Variants in CRTAC1 observed in about 807,000 individuals in gnomAD.
CRTAC1 encodes the protein cartilage acidic protein 1.
In CRTAC1, 37 loss-of-function variants were observed where a neutral mutation model predicts 67.8. That is an observed-to-expected ratio of 0.55 (90% CI 0.42 to 0.72). The LOEUF is 0.72. Ranked by LOEUF, CRTAC1 falls within the 30% of genes least tolerant of loss-of-function variation. The pLI is 0.00. For missense variants in CRTAC1, 780 were observed against 931.6 expected (o/e 0.84, Z 2.12); for synonymous variants, 348 against 371.0 (o/e 0.94, Z 0.71).
rs77069325 is a variant in CRTAC1 at position 98,025,740 on chromosome 10, C to T, written c.24+4709G>A. ...CCTGGAAGCCTGTATCTGCAGCCTG[C>T]AGGAGGCTCGGTGAGCACGAATTTG... is the stretch of plus-strand genomic sequence containing the variant. On this transcript the variant is annotated intron_variant, in intron 1 of 14. Transcript: ENST00000370597. Among the ~76,000 whole-genome samples the T allele has an allele frequency of 2.8e-4, 42 of 152,366 alleles. No individual in the cohort carries two copies. The East Asian group carries it at 7.7e-3, about 28-fold the overall frequency.
chr10:98,005,581 C>CAT (rs1273346461), intron 2 of CRTAC1, among the ~76,000 whole-genome samples: 2 of 150,866 alleles, frequency 1.3e-5, no homozygotes, highest in African/African-American at 2.4e-5. Flanking sequence ...TGAATGTGTG[C>CAT]ATATATATAT....
At chr10:97,906,276 A>G (rs886756887) in intron 6 of CRTAC1, among the ~76,000 whole-genome samples, 1 of 152,120 alleles carries the variant, frequency 6.6e-6, no homozygotes, top group Admixed American at 6.5e-5. Context: ...TTCTCTGCCA[A>G]ACTCCTCGGC....
At chr10:97,910,820 G>A (rs2136578718) in intron 5 of CRTAC1, among the ~76,000 whole-genome samples, 1 of 152,254 alleles carries the variant, frequency 6.6e-6, no homozygotes, top group South Asian at 2.1e-4. Flanking sequence ...CACTCTTATT[G>A]CGCTCATAGT....
chr10:97,900,536 GACCCCAT>G (rs1270644081), intron 8 of CRTAC1, among the ~76,000 whole-genome samples: 1,430 of 136,556 alleles, frequency 0.01, 57 homozygotes, highest in African/African-American at 0.037. Context: ...GTAGTGATTG[GACCCCAT>G]AGCCTCTTTT....
chr10:97,949,437 G>T (rs1424280215), intron 2 of CRTAC1, among the ~76,000 whole-genome samples: 1 of 152,214 alleles, frequency 6.6e-6, no homozygotes, highest in African/African-American at 2.4e-5. Context: ...GCTGTCTCAG[G>T]GAACCAAGCT....
intron 2 of CRTAC1, among the ~76,000 whole-genome samples, chr10:97,959,784 C>G (rs930612275): frequency 6.6e-6 from 1 of 152,226 alleles, no homozygotes; most frequent in African/African-American, 2.4e-5. Context: ...TTTGCTGGCT[C>G]TAGATCTCTT....
intron 8 of CRTAC1, among the ~76,000 whole-genome samples, chr10:97,897,983 A>G (rs2050484750): frequency 6.6e-6 from 1 of 152,224 alleles, no homozygotes; most frequent in Non-Finnish European, 1.5e-5. Context: ...GGTGGCAGAA[A>G]GAGCTGGCAG....
rs138413487 is a variant in CRTAC1 at position 98,021,662 on chromosome 10, G to T, written c.24+8787C>A. Among the ~76,000 whole-genome samples, 453 of 152,350 alleles carry T rather than the reference G, an allele frequency of 3.0e-3. 4 individuals are homozygous for T. The highest frequency in any genetic ancestry group is 0.01 in the African/African-American group (432 of 41,584). On this transcript the variant is annotated intron_variant, in intron 1 of 14. Transcript: ENST00000370597. ...GAAAGTCCACACGTGGTAGGTAACAGTACCAATAATCACACCATTACTACT... is the reference window on the plus strand; with the variant it reads ...GAAAGTCCACACGTGGTAGGTAACATTACCAATAATCACACCATTACTACT...
chr10:97,976,367 T>C (rs1248968577), intron 2 of CRTAC1, among the ~76,000 whole-genome samples: 2 of 152,160 alleles, frequency 1.3e-5, no homozygotes, highest in Non-Finnish European at 2.9e-5. Context: ...CAGCTCCCCA[T>C]AGGGTAGTAT....
Position 98,011,274 on chromosome 10 carries a change from G to T in CRTAC1, c.88C>A (p.Arg30=), listed in dbSNP as rs375135331. Residue 30 remains arginine (R), a synonymous_variant, in exon 2 of 15, where the codon CGG becomes AGG. Coordinates refer to ENST00000370597, the MANE Select transcript of CRTAC1 (RefSeq NM_018058.7). ...WFLPITEGSQ[R]AEPMFTAVTN... ...ACTGCAGTGAACATGGGTTCAGCCC[G>T]CTGGGACCCCTCAGTGATGGGCAGA... 12 of 1,614,100 alleles carry T rather than the reference G, an allele frequency of 7.4e-6. No homozygotes were observed. The highest frequency in any genetic ancestry group is 1.7e-6 in the Non-Finnish European group (2 of 1,180,052).
Position 97,977,435 on chromosome 10 carries a change from G to A in CRTAC1, c.224+33703C>T, listed in dbSNP as rs1413820631. Among the ~76,000 whole-genome samples, 4 of 152,198 alleles carry A rather than the reference G, an allele frequency of 2.6e-5. No individual in the cohort carries two copies. The South Asian group carries it at 6.2e-4, about 24-fold the overall frequency. ...CAGCTCTGCTCACCCAATGGGGCAG[G>A]ACACTGTGAAAGGTCCCCCAAATCA... On this transcript the variant is annotated intron_variant, in intron 2 of 14. Coordinates refer to ENST00000370597, the MANE Select transcript of CRTAC1 (RefSeq NM_018058.7).
intron 11 of CRTAC1, among the ~76,000 whole-genome samples, chr10:97,890,496 A>G (rs1432578873): frequency 6.6e-6 from 1 of 152,180 alleles, no homozygotes; most frequent in African/African-American, 2.4e-5. Context: ...TTGCCAAGAA[A>G]TATGTGTCTG....
chr10:97,879,860 C>CTG, intron 14 of CRTAC1: 5 of 213,276 alleles, frequency 2.3e-5, no homozygotes, highest in East Asian at 9.0e-5. Context: ...GGGGTGGGGA[C>CTG]GGGGTGGGGG....
chr10:97,936,076 C>T, intron 3 of CRTAC1, 94 bp downstream of exon 3: 1 of 1,245,778 alleles, frequency 8.0e-7, no homozygotes, highest in Non-Finnish European at 1.1e-6. Context: ...TGACAGTTGC[C>T]TGAGGAAGGG....
intron 14 of CRTAC1, among the ~76,000 whole-genome samples, chr10:97,873,470 G>A (rs1193984441): frequency 2.0e-5 from 3 of 152,184 alleles, no homozygotes; most frequent in African/African-American, 7.2e-5. Flanking sequence ...CTGCAGAGAG[G>A]GTGTATGTTT....
At chr10:97,984,832 G>A (rs1179025940) in intron 2 of CRTAC1, among the ~76,000 whole-genome samples, 1 of 152,206 alleles carries the variant, frequency 6.6e-6, no homozygotes, top group Non-Finnish European at 1.5e-5. Flanking sequence ...GGCTATGGGG[G>A]AGCTCACTAG....
chr10:97,938,101 T>C (rs560525655), intron 2 of CRTAC1, among the ~76,000 whole-genome samples: 1 of 152,116 alleles, frequency 6.6e-6, no homozygotes, highest in Non-Finnish European at 1.5e-5. Flanking sequence ...AAAGGAGAGA[T>C]GGAGCTCCCT....
rs771351655 is a variant in CRTAC1 at position 98,002,761 on chromosome 10, C to CTGTTTTTTTT, written c.224+8376_224+8377insAAAAAAAACA. 6.4e-4 allele frequency among the ~76,000 whole-genome samples: 24 copies of CTGTTTTTTTT among 37,296 alleles called. 1 individual carries two copies. The highest frequency in any genetic ancestry group is 9.3e-4 in the Non-Finnish European group (16 of 17,200). 24.5% of individuals were successfully genotyped at this position (37,296 alleles called of 152,430 possible). A position where few individuals can be genotyped will look rare whatever the true frequency, so the allele number is the denominator to read the frequency against. ...TTTTAGGAATTCTTTACAAAACTCA[C>CTGTTTTTTTT]TTTTTTTTTTTTTTTTTTTTTTTTT... On this transcript the variant is annotated intron_variant, in intron 2 of 14. Transcript: ENST00000370597.
At chr10:97,959,588 C>T (rs994928366) in intron 2 of CRTAC1, among the ~76,000 whole-genome samples, 4 of 152,176 alleles carry the variant, frequency 2.6e-5, no homozygotes, top group African/African-American at 9.7e-5. Context: ...AGTAAAAATG[C>T]TATATAAACT....
Sources: allele counts gnomAD v4.1 joint callset (sites outside exome capture counted in the v4.1 genomes callset), GRCh38; gene constraint gnomAD v4.1.1; transcripts MANE v1.5; gene names NCBI Gene and HGNC (gene_info 2026-07-23, HGNC 2026-07-21).